Variants in KCND2 observed in about 807,000 individuals in gnomAD.
The protein encoded by KCND2 is potassium voltage-gated channel subfamily D member 2, also known as A-type voltage-gated potassium channel KCND2.
KCND2 carries 16 observed loss-of-function variants against 54.4 expected under a neutral mutation model. The ratio of observed to expected loss-of-function variants is 0.29; its 90% CI spans 0.20 to 0.45. KCND2 has a LOEUF of 0.45. Among genes scored for constraint, KCND2 ranks in the 20% least tolerant of loss-of-function variants. KCND2 has a pLI of 1.00. For synonymous variants in KCND2, 317 were observed against 310.7 expected, an observed-to-expected ratio of 1.02 and a Z score of -0.21; for missense variants, 486 against 824.2, an observed-to-expected ratio of 0.59 and a Z score of 5.02.
intron 1 of KCND2, among the ~76,000 whole-genome samples, chr7:120,564,058 A>G (rs1792267795): frequency 1.3e-5 from 2 of 152,212 alleles, no homozygotes; most frequent in South Asian, 4.1e-4. Context: ...ACTCATTTCT[A>G]TATATAATAT....
chr7:120,388,888 A>G (rs1233000909), intron 1 of KCND2, among the ~76,000 whole-genome samples: 4 of 54,846 alleles, frequency 7.3e-5, no homozygotes, highest in East Asian at 1.1e-3. Context: ...TTATATATAC[A>G]TGTATATATA....
intron 1 of KCND2, among the ~76,000 whole-genome samples, chr7:120,567,105 C>T (rs1792308730): frequency 6.6e-6 from 1 of 152,074 alleles, no homozygotes; most frequent in African/African-American, 2.4e-5. Flanking sequence ...GAAAGAATCC[C>T]CATGTTCCTG....
At chr7:120,667,033 A>C (rs1314541780) in intron 1 of KCND2, among the ~76,000 whole-genome samples, 2 of 151,954 alleles carry the variant, frequency 1.3e-5, no homozygotes, top group African/African-American at 4.8e-5. Flanking sequence ...AAGAGACTCT[A>C]AGTCTTGCAA....
At chr7:120,592,218 TTTTG>T (rs563922540) in intron 1 of KCND2, among the ~76,000 whole-genome samples, 11 of 152,200 alleles carry the variant, frequency 7.2e-5, no homozygotes, top group East Asian at 3.9e-4. Context: ...TAGAGACATG[TTTTG>T]TTTGTTTGTT....
intron 1 of KCND2, among the ~76,000 whole-genome samples, chr7:120,328,567 A>G (rs547654440): frequency 6.0e-4 from 91 of 152,274 alleles, no homozygotes; most frequent in African/African-American, 2.1e-3. Context: ...TACAATCTCA[A>G]GAGAAAGCAT....
chr7:120,386,977 A>G (rs1275461438), intron 1 of KCND2, among the ~76,000 whole-genome samples: 2 of 152,132 alleles, frequency 1.3e-5, no homozygotes, highest in South Asian at 2.1e-4. Flanking sequence ...AACAAAATTA[A>G]CTAAATCATC....
chr7:120,479,604 T>G (rs1802574678), intron 1 of KCND2, among the ~76,000 whole-genome samples: 1 of 151,594 alleles, frequency 6.6e-6, no homozygotes, highest in Admixed American at 6.6e-5. Flanking sequence ...TTGAAATGCT[T>G]TTTAATTTTA....
At chr7:120,639,596 C>G (rs1006892538) in intron 1 of KCND2, among the ~76,000 whole-genome samples, 2 of 152,144 alleles carry the variant, frequency 1.3e-5, no homozygotes, top group South Asian at 2.1e-4. Context: ...AATGTCAATA[C>G]TTGTCCATCA....
At chr7:120,639,767 TG>T (rs1293482984) in intron 1 of KCND2, among the ~76,000 whole-genome samples, 1 of 152,172 alleles carries the variant, frequency 6.6e-6, no homozygotes, top group East Asian at 1.9e-4. Flanking sequence ...TTGAGCCGTG[TG>T]GGTAATTATT....
intron 1 of KCND2, among the ~76,000 whole-genome samples, chr7:120,670,234 C>A (rs1282545538): frequency 6.6e-6 from 1 of 152,044 alleles, no homozygotes; most frequent in Non-Finnish European, 1.5e-5. Flanking sequence ...ACCATCCAGA[C>A]CAGCGTATCA....
chr7:120,713,361 A>G (rs187263248), intron 1 of KCND2, among the ~76,000 whole-genome samples: 3 of 152,162 alleles, frequency 2.0e-5, no homozygotes, highest in Non-Finnish European at 4.4e-5. Flanking sequence ...CATTCCACAC[A>G]TAGGAAACCA....
intron 1 of KCND2, among the ~76,000 whole-genome samples, chr7:120,479,794 CACAAAAA>C (rs1249800547): frequency 3.4e-5 from 3 of 89,172 alleles, no homozygotes; most frequent in African/African-American, 1.1e-4. Flanking sequence ...TATACACACA[CACAAAAA>C]AAAAAAAAAA....
chr7:120,617,496 T>C (rs1396145927), intron 1 of KCND2, among the ~76,000 whole-genome samples: 3 of 152,068 alleles, frequency 2.0e-5, no homozygotes, highest in Non-Finnish European at 4.4e-5. Context: ...ATAACAGATG[T>C]TGGAGAGGTT....
chr7:120,550,460 A>C (rs1387331522), intron 1 of KCND2, among the ~76,000 whole-genome samples: 1 of 152,132 alleles, frequency 6.6e-6, no homozygotes, highest in African/African-American at 2.4e-5. Context: ...GACCCACAAG[A>C]AGTGGTCAAA....
chr7:120,516,064 TG>T, intron 1 of KCND2, among the ~76,000 whole-genome samples: 1 of 152,246 alleles, frequency 6.6e-6, no homozygotes, highest in South Asian at 2.1e-4. Flanking sequence ...CTAAGATCCT[TG>T]AAAATAATAT....
chr7:120,453,761 G>A (rs753854100), intron 1 of KCND2, among the ~76,000 whole-genome samples: 10 of 151,990 alleles, frequency 6.6e-5, no homozygotes, highest in Non-Finnish European at 1.2e-4. Flanking sequence ...ATGTAAAAAG[G>A]GAACTTTATA....
At chr7:120,512,436 G>A (rs1163516000) in intron 1 of KCND2, among the ~76,000 whole-genome samples, 1 of 151,418 alleles carries the variant, frequency 6.6e-6, no homozygotes, top group African/African-American at 2.4e-5. Context: ...AAAAGTCATT[G>A]AAGCTATTGG....
intron 1 of KCND2, among the ~76,000 whole-genome samples, chr7:120,650,039 G>C (rs1366277449): frequency 6.6e-6 from 1 of 151,848 alleles, no homozygotes; most frequent in African/African-American, 2.4e-5. Context: ...CTCTCTGGCT[G>C]CCCTTAACAT....
At chr7:120,358,542 TGACA>T (rs1412627466) in intron 1 of KCND2, among the ~76,000 whole-genome samples, 1 of 152,136 alleles carries the variant, frequency 6.6e-6, no homozygotes, top group Non-Finnish European at 1.5e-5. Flanking sequence ...TTCTTTCTCC[TGACA>T]TGAATCTTGT....
Sources: allele counts gnomAD v4.1 joint callset (sites outside exome capture counted in the v4.1 genomes callset), GRCh38; gene constraint gnomAD v4.1.1; transcripts MANE v1.5; gene names NCBI Gene and HGNC (gene_info 2026-07-23, HGNC 2026-07-21).